The following CNTNAP2 variants were observed in gnomAD, a reference collection of about 807,000 sequenced individuals.
CNTNAP2 encodes contactin-associated protein-like 2.
Under a neutral mutation model 155.2 loss-of-function variants are expected in CNTNAP2, and 98 were observed. That is an observed-to-expected ratio of 0.63 (90% CI 0.54 to 0.75). The LOEUF (loss-of-function observed/expected upper bound fraction) is 0.75, where lower values mean the gene tolerates loss of function less well. Ranked by LOEUF, CNTNAP2 falls within the 30% of genes least tolerant of loss-of-function variation. The pLI, the probability that CNTNAP2 is intolerant of heterozygous loss-of-function variation, is 0.00. For missense variants in CNTNAP2, 1,727 were observed against 1,688.1 expected, an observed-to-expected ratio of 1.02 and a Z score of -0.40; for synonymous variants, 651 against 631.2, an observed-to-expected ratio of 1.03 and a Z score of -0.47.
At chr7:148,387,601 C>A (rs1472203069) in intron 22 of CNTNAP2, among the ~76,000 whole-genome samples, 1 of 152,082 alleles carries the variant, frequency 6.6e-6, no homozygotes, top group Non-Finnish European at 1.5e-5. Flanking sequence ...ATCTCAGGCC[C>A]CTCCCCATAC....
intron 1 of CNTNAP2, among the ~76,000 whole-genome samples, chr7:146,195,797 C>T (rs1486431477): frequency 6.6e-6 from 1 of 152,204 alleles, no homozygotes; most frequent in Non-Finnish European, 1.5e-5. Flanking sequence ...CCTTTGCCTA[C>T]AACGCACGCC....
chr7:147,091,438 C>G (rs1412416375), intron 4 of CNTNAP2, among the ~76,000 whole-genome samples: 1 of 152,018 alleles, frequency 6.6e-6, no homozygotes, highest in Non-Finnish European at 1.5e-5. Flanking sequence ...TAAAGAAACT[C>G]AACCATATAC....
intron 5 of CNTNAP2, among the ~76,000 whole-genome samples, chr7:147,113,131 C>T (rs745854475): frequency 1.3e-5 from 2 of 151,848 alleles, no homozygotes; most frequent in Non-Finnish European, 2.9e-5. Context: ...TGCATGTGTC[C>T]AGAAATTTTC....
rs1181326586 is a variant in CNTNAP2, at chr7:146,581,438, G to T, written c.98-192833G>T. ...TAATAGCAGTAGCTGAGCTTTCCAA[G>T]ATTATACAAATTAGGTTTAGAATTG... is the stretch of plus-strand genomic sequence containing the variant. On this transcript the variant is annotated intron_variant, in intron 1 of 23. Transcript: ENST00000361727. Among the ~76,000 whole-genome samples the T allele has an allele frequency of 2.0e-5, 3 of 152,008 alleles. No individual in the cohort carries two copies. The East Asian group carries it at 5.8e-4, about 29-fold the overall frequency.
intron 1 of CNTNAP2, among the ~76,000 whole-genome samples, chr7:146,717,381 TG>T (rs1801208725): frequency 1.4e-5 from 2 of 144,230 alleles, no homozygotes; most frequent in Middle Eastern, 3.8e-3. Flanking sequence ...TGTGTGGTGG[TG>T]GGTGCCTGTA....
At chr7:146,932,186 C>CA (rs1281448583) in intron 3 of CNTNAP2, among the ~76,000 whole-genome samples, 3 of 152,114 alleles carry the variant, frequency 2.0e-5, no homozygotes, top group African/African-American at 7.2e-5. Context: ...CAAAAATCCT[C>CA]AAAAAAATAT....
At chr7:147,800,274 A>G (rs1029973550) in intron 13 of CNTNAP2, among the ~76,000 whole-genome samples, 3 of 152,126 alleles carry the variant, frequency 2.0e-5, no homozygotes, top group Admixed American at 1.3e-4. Flanking sequence ...TCCCTCCCAA[A>G]GTTATTTGTA....
At chr7:147,658,990 T>C (rs1795573232) in intron 13 of CNTNAP2, among the ~76,000 whole-genome samples, 1 of 152,178 alleles carries the variant, frequency 6.6e-6, no homozygotes, top group Non-Finnish European at 1.5e-5. Flanking sequence ...GAGGCCCCCC[T>C]CAACCCAGCA....
intron 8 of CNTNAP2, among the ~76,000 whole-genome samples, chr7:147,197,983 T>C (rs1802840353): frequency 6.6e-6 from 1 of 152,168 alleles, no homozygotes; most frequent in Admixed American, 6.5e-5. Flanking sequence ...TAATATGGTA[T>C]TGCATGCCTA....
intron 1 of CNTNAP2, among the ~76,000 whole-genome samples, chr7:146,766,439 G>C (rs559843219): frequency 6.6e-6 from 1 of 152,200 alleles, no homozygotes; most frequent in Non-Finnish European, 1.5e-5. Context: ...AGAACAATTT[G>C]ACAATTTCAA....
At chr7:147,833,488 T>A (rs956303384) in intron 13 of CNTNAP2, among the ~76,000 whole-genome samples, 1 of 152,156 alleles carries the variant, frequency 6.6e-6, no homozygotes, top group Non-Finnish European at 1.5e-5. Flanking sequence ...TATGTGCTTA[T>A]GAAAGTGACG....
chr7:146,754,227 T>C (rs1380368438), intron 1 of CNTNAP2, among the ~76,000 whole-genome samples: 1 of 152,028 alleles, frequency 6.6e-6, no homozygotes, highest in East Asian at 1.9e-4. Context: ...TCCAGAGACA[T>C]TTTAATTCTA....
intron 1 of CNTNAP2, among the ~76,000 whole-genome samples, chr7:146,483,834 C>T (rs1425491198): frequency 1.3e-5 from 2 of 152,002 alleles, no homozygotes; most frequent in African/African-American, 4.8e-5. Context: ...CATAAAGTTA[C>T]CGTAAGCTAA....
intron 1 of CNTNAP2, among the ~76,000 whole-genome samples, chr7:146,636,538 A>C (rs1799603008): frequency 6.6e-6 from 1 of 152,208 alleles, no homozygotes; most frequent in African/African-American, 2.4e-5. Context: ...ATCTGAAATT[A>C]CTTAGCAACT....
intron 4 of CNTNAP2, among the ~76,000 whole-genome samples, chr7:147,100,078 T>C (rs1800624054): frequency 6.6e-6 from 1 of 152,108 alleles, no homozygotes; most frequent in Admixed American, 6.6e-5. Context: ...TTGTGGGTAA[T>C]GAGTGGATGA....
intron 8 of CNTNAP2, among the ~76,000 whole-genome samples, chr7:147,209,901 T>C: frequency 6.6e-6 from 1 of 152,058 alleles, no homozygotes; most frequent in East Asian, 1.9e-4. Context: ...GACTTGTGTA[T>C]GTTGAACCAG....
chr7:147,265,862 G>A (rs571088140), intron 8 of CNTNAP2, among the ~76,000 whole-genome samples: 4 of 152,202 alleles, frequency 2.6e-5, no homozygotes, highest in East Asian at 3.9e-4. Context: ...AGGGACCCAG[G>A]TGAATAGTCT....
chr7:147,294,295 G>T (rs974675024), intron 8 of CNTNAP2, among the ~76,000 whole-genome samples: 4 of 152,020 alleles, frequency 2.6e-5, no homozygotes, highest in Admixed American at 6.5e-5. Context: ...AAATCATTTA[G>T]AAAGTTCATT....
intron 2 of CNTNAP2, among the ~76,000 whole-genome samples, chr7:146,787,493 G>A (rs1802594925): frequency 6.6e-6 from 1 of 152,174 alleles, no homozygotes; most frequent in South Asian, 2.1e-4. Context: ...CACGTCTGGA[G>A]TTGTTCCTTC....
Sources: gnomAD v4.1 joint callset for allele counts (sites outside exome capture counted in the v4.1 genomes callset) on GRCh38, gnomAD v4.1.1 for gene constraint, MANE v1.5 for transcripts, NCBI Gene and HGNC (gene_info 2026-07-23, HGNC 2026-07-21) for gene names.